Variants in AAK1 observed in about 807,000 individuals in gnomAD.
AAK1 encodes the protein AP2-associated protein kinase 1.
Under a neutral mutation model 116.0 loss-of-function variants are expected in AAK1, and 37 were observed. The ratio of observed to expected loss-of-function variants is 0.32; its 90% confidence interval spans 0.25 to 0.42. The LOEUF (loss-of-function observed/expected upper bound fraction) is 0.42, where lower values mean the gene tolerates loss of function less well. Ranked by LOEUF, AAK1 falls within the 10% of genes least tolerant of loss-of-function variation. AAK1 has a pLI of 1.00. For synonymous variants in AAK1, 458 were observed against 439.9 expected, an observed-to-expected ratio of 1.04 and a Z score of -0.51; for missense variants, 919 against 1,170.6, an observed-to-expected ratio of 0.79 and a Z score of 3.14.
At chr2:69,574,858 G>A (rs1187870645) in intron 2 of AAK1, among the ~76,000 whole-genome samples, 2 of 151,826 alleles carry the variant, frequency 1.3e-5, no homozygotes, top group Non-Finnish European at 2.9e-5. Context: ...AGCTACTCGG[G>A]AGGCTGAAAC....
chr2:69,537,445 G>A (rs1041495062), intron 5 of AAK1, among the ~76,000 whole-genome samples: 2 of 152,248 alleles, frequency 1.3e-5, no homozygotes, highest in East Asian at 3.8e-4. Context: ...CAGACCCACA[G>A]GCAGAGTGGC....
chr2:69,604,304 G>A (rs1673702865), intron 2 of AAK1, among the ~76,000 whole-genome samples: 1 of 152,164 alleles, frequency 6.6e-6, no homozygotes, highest in African/African-American at 2.4e-5. Context: ...CTTTCGTGTT[G>A]TCATGAACTT....
At position 69,467,818 on chromosome 2, in the gene AAK1, T is replaced by C; in HGVS notation, c.*8051A>G. 19 of 985,406 alleles carry C rather than the reference T, an allele frequency of 1.9e-5. No individual in the cohort carries two copies. The highest frequency in any genetic ancestry group is 2.3e-5 in the Non-Finnish European group (19 of 829,900). 61.0% of individuals were successfully genotyped at this position (985,406 alleles called of 1,614,324 possible). A position where few individuals can be genotyped will look rare whatever the true frequency, so the allele number is the denominator to read the frequency against. ...TAAAATCAGTTTATTGGGAAACCAG[T>C]CACTTAGAGACATTACATTGTAAAG... On this transcript the variant is annotated 3_prime_UTR_variant, in exon 22 of 22. Coordinates refer to ENST00000409085, the MANE Select transcript of AAK1 (RefSeq NM_014911.5).
chr2:69,478,846 T>TAAAACTACCTCCTTGTATGG, intron 20 of AAK1, 105 bp downstream of exon 20: 1 of 900,844 alleles, frequency 1.1e-6, no homozygotes, highest in Non-Finnish European at 1.8e-6. Flanking sequence ...GAGGTAGTTT[T>TAAAACTACCTCCTTGTATGG]AAAACTTCAC....
chr2:69,461,843 C>T lies in AAK1; in HGVS notation c.*14026G>A, dbSNP rs930282982. 17 of 232,428 alleles carry T rather than the reference C, an allele frequency of 7.3e-5. No individual in the cohort carries two copies. Among genetic ancestry groups the T allele is most frequent in the South Asian group, 5.7e-4 (14 of 24,364 alleles). 14.4% of individuals were successfully genotyped at this position (232,428 alleles called of 1,614,324 possible). A position where few individuals can be genotyped will look rare whatever the true frequency, so the allele number is the denominator to read the frequency against. On this transcript the variant is annotated 3_prime_UTR_variant, in exon 22 of 22. Coordinates refer to ENST00000409085, the MANE Select transcript of AAK1 (RefSeq NM_014911.5). ...CTACCCTCAAGTGATCCACCCACCT[C>T]GGCCTCCCAAAGTGCTGGGATTACA...
Position 69,473,526 on chromosome 2 carries a change from T to C in AAK1, c.*2343A>G, listed in dbSNP as rs1674749546. The stretch of plus-strand genomic sequence containing the variant: ...GTCATTATCTCCCTTAGGCTTCTAC[T>C]GCCGTCTCTGGCTTCTAGTCTGCTC... On this transcript the variant is annotated 3_prime_UTR_variant, in exon 22 of 22. Transcript: ENST00000409085. 1 of 985,470 alleles carries C rather than the reference T, an allele frequency of 1.0e-6. No homozygotes were observed. 61.0% of individuals were successfully genotyped at this position (985,470 alleles called of 1,614,324 possible).
rs931833795 is a variant in AAK1, at chr2:69,462,505, C to T, written c.*13364G>A. On this transcript the variant is annotated 3_prime_UTR_variant, in exon 22 of 22. Coordinates refer to ENST00000409085, the MANE Select transcript of AAK1 (RefSeq NM_014911.5). ...ACCAACCTGGCCAACATGGTGAAAC[C>T]CCATCTCTACTAAGAATACAAAAAT... 1 of 151,554 alleles carries T rather than the reference C, an allele frequency of 6.6e-6. No individual in the cohort carries two copies. The highest frequency in any genetic ancestry group is 1.5e-5 in the Non-Finnish European group (1 of 67,954). 9.4% of individuals were successfully genotyped at this position (151,554 alleles called of 1,614,324 possible).
At chr2:69,599,944 A>ATTT (rs57552852) in intron 2 of AAK1, among the ~76,000 whole-genome samples, 5 of 138,362 alleles carry the variant, frequency 3.6e-5, no homozygotes, top group Admixed American at 7.2e-5. Flanking sequence ...TATCCAGCTA[A>ATTT]TTTTTTTTTT....
In AAK1 at chr2:69,505,746, G is replaced by C. The variant is rs1274794831; in HGVS notation, c.2165-73C>G. On this transcript the variant is annotated intron_variant, in intron 15 of 21. Transcript: ENST00000409085. ...GGCACACACACATGGCAGAGGTAAG[G>C]GGCATTCTCTGAACTGACTTCTGGA... The C allele has an allele frequency of 8.4e-6, 10 of 1,185,634 alleles. No individual in the cohort carries two copies. In the East Asian group the frequency reaches 2.2e-4, roughly 26 times the overall value. The allele number at this position is 1,185,634 out of a possible 1,614,324, so 73.4% of individuals were successfully genotyped here.
At chr2:69,563,552 T>C (rs1051896669) in intron 2 of AAK1, among the ~76,000 whole-genome samples, 2 of 152,142 alleles carry the variant, frequency 1.3e-5, no homozygotes, top group African/African-American at 4.8e-5. Flanking sequence ...ATAAGTCCTA[T>C]ATACACTTTT....
chr2:69,620,012 T>C (rs1674524515), intron 2 of AAK1, among the ~76,000 whole-genome samples: 1 of 152,178 alleles, frequency 6.6e-6, no homozygotes, highest in Non-Finnish European at 1.5e-5. Context: ...CATGAAATGA[T>C]TGGCACTTTA....
chr2:69,642,540 G>A (rs1675783801), intron 2 of AAK1, among the ~76,000 whole-genome samples: 1 of 152,002 alleles, frequency 6.6e-6, no homozygotes, highest in Admixed American at 6.6e-5. Flanking sequence ...GTTTTAGGAG[G>A]ATGACAAGCC....
rs542351238 is a variant in AAK1, at chr2:69,463,046, G to C, written c.*12823C>G. The C allele has an allele frequency of 3.3e-5, 5 of 152,258 alleles. No individual in the cohort carries two copies. The highest frequency in any genetic ancestry group is 2.1e-4 in the South Asian group (1 of 4,818). 9.4% of individuals were successfully genotyped at this position (152,258 alleles called of 1,614,324 possible). On this transcript the variant is annotated 3_prime_UTR_variant, in exon 22 of 22. Coordinates refer to ENST00000409085, the MANE Select transcript of AAK1 (RefSeq NM_014911.5). ...GAAATAGGCAGAGACCACCAAAAAA[G>C]GACAAAGTATTGAAAAGTAGCTGCT... is the stretch of plus-strand genomic sequence containing the variant.
intron 13 of AAK1, among the ~76,000 whole-genome samples, chr2:69,513,048 C>G (rs1676450898): frequency 1.3e-5 from 2 of 152,180 alleles, no homozygotes; most frequent in South Asian, 4.1e-4. Flanking sequence ...AAGGTCCCTT[C>G]TAGCTATCTC....
intron 14 of AAK1, among the ~76,000 whole-genome samples, chr2:69,508,733 G>C (rs1459264570): frequency 6.6e-6 from 1 of 152,214 alleles, no homozygotes; most frequent in Non-Finnish European, 1.5e-5. Flanking sequence ...ACATTCCCTA[G>C]GTGGGCAAGG....
intron 2 of AAK1, among the ~76,000 whole-genome samples, chr2:69,628,284 C>CCT (rs546200646): frequency 4.2e-4 from 61 of 146,208 alleles, no homozygotes; most frequent in African/African-American, 1.4e-3. Context: ...TGTTTCTTTT[C>CCT]TTTTTTTTTT....
At chr2:69,628,129 C>T (rs550738991) in intron 2 of AAK1, among the ~76,000 whole-genome samples, 1 of 152,294 alleles carries the variant, frequency 6.6e-6, no homozygotes, top group East Asian at 1.9e-4. Flanking sequence ...CATACGTAGG[C>T]CAAGGTTAAC....
intron 17 of AAK1, among the ~76,000 whole-genome samples, chr2:69,493,146 G>A (rs370062617): frequency 3.4e-4 from 14 of 41,552 alleles, no homozygotes; most frequent in East Asian, 1.0e-3. Flanking sequence ...GCGACAGAGC[G>A]AGACTCCGTC....
At chr2:69,606,428 A>C (rs1047001525) in intron 2 of AAK1, among the ~76,000 whole-genome samples, 3 of 152,236 alleles carry the variant, frequency 2.0e-5, no homozygotes, top group Admixed American at 6.5e-5. Context: ...ATATCCCCTG[A>C]TGAGACTTCC....
Sources: gnomAD v4.1 joint callset for allele counts (sites outside exome capture counted in the v4.1 genomes callset) on GRCh38, gnomAD v4.1.1 for gene constraint, MANE v1.5 for transcripts, NCBI Gene and HGNC (gene_info 2026-07-23, HGNC 2026-07-21) for gene names.